CREBZF: variants seen among roughly 807,000 people sequenced by gnomAD.
CREBZF encodes the protein HCF-binding transcription factor Zhangfei.
A neutral mutation model predicts 21.1 loss-of-function variants in CREBZF; 8 were observed. That is an observed-to-expected ratio of 0.38 (90% confidence interval 0.22 to 0.68). The LOEUF is 0.68. Among genes scored for constraint, CREBZF ranks in the 30% least tolerant of loss-of-function variants. The probability of loss-of-function intolerance (pLI) is 0.51; values close to 1 mark genes in which losing one functional copy is unlikely to be tolerated. For missense variants in CREBZF, 518 were observed against 484.3 expected, an observed-to-expected ratio of 1.07 and a Z score of -0.65; for synonymous variants, 270 against 223.3, an observed-to-expected ratio of 1.21 and a Z score of -1.86.
chr11:85,671,773 G>C (rs992671923), intron 1 of CREBZF, among the ~76,000 whole-genome samples: 1 of 152,216 alleles, frequency 6.6e-6, no homozygotes, highest in African/African-American at 2.4e-5. Flanking sequence ...CATCCCTGTG[G>C]CTTTGCAGGG....
chr11:85,658,472 T>A lies in CREBZF; in HGVS notation c.*5339A>T, dbSNP rs953043963. On this transcript the variant is annotated 3_prime_UTR_variant, in exon 1 of 1. Coordinates refer to ENST00000527447, the MANE Select transcript of CREBZF (RefSeq NM_001039618.4). Reference sequence around the variant, plus strand: ...TCATGTTAAGTCTGTTGCTACAAATTTACTTTGCCAAAATTTTTGTTCAGA... The same window carrying A: ...TCATGTTAAGTCTGTTGCTACAAATATACTTTGCCAAAATTTTTGTTCAGA... Among the ~76,000 whole-genome samples, 2 of 152,046 alleles carry A rather than the reference T, an allele frequency of 1.3e-5. No homozygotes were observed. Among genetic ancestry groups the A allele is most frequent in the African/African-American group, 4.8e-5 (2 of 41,444 alleles).
In CREBZF at chr11:85,659,840, A is replaced by C. The variant is rs2082624885; in HGVS notation, c.*3971T>G. ...ACAACACTAGATAAATTTTTATATA[A>C]AACAGTAGAAACTAGCATACCATTA... On this transcript the variant is annotated 3_prime_UTR_variant, in exon 1 of 1. Coordinates refer to ENST00000527447, the MANE Select transcript of CREBZF (RefSeq NM_001039618.4). 6.6e-6 allele frequency: 1 copy of C among 152,140 alleles called. No homozygotes were observed. The highest frequency in any genetic ancestry group is 6.6e-5 in the Admixed American group (1 of 15,262). The allele number at this position is 152,140 out of a possible 1,614,324, so 9.4% of individuals were successfully genotyped here. A position where few individuals can be genotyped will look rare whatever the true frequency, so the allele number is the denominator to read the frequency against.
upstream of CREBZF, among the ~76,000 whole-genome samples, chr11:85,668,217 A>G (rs1234844131): frequency 1.3e-5 from 2 of 152,112 alleles, no homozygotes; most frequent in African/African-American, 4.8e-5. Flanking sequence ...TTCTAGCTAT[A>G]CTTAAGTATT....
At chr11:85,665,168 C>T, upstream of CREBZF, 1 of 383,632 alleles carries the variant, frequency 2.6e-6, no homozygotes. Flanking sequence ...GCGTTTCGCG[C>T]GCCACCAGGC....
chr11:85,669,314 T>C (rs1591488309), upstream of CREBZF, among the ~76,000 whole-genome samples: 1 of 152,122 alleles, frequency 6.6e-6, no homozygotes, highest in African/African-American at 2.4e-5. Flanking sequence ...ATAAAGGTTA[T>C]ACAAAACTTA....
chr11:85,671,504 T>G (rs2082911537), intron 1 of CREBZF, among the ~76,000 whole-genome samples: 1 of 152,314 alleles, frequency 6.6e-6, no homozygotes, highest in East Asian at 1.9e-4. Context: ...GCAAGGCAAG[T>G]CCCTTCTGCC....
chr11:85,673,476 G>A lies in CREBZF; in HGVS notation n.147+9241C>T, dbSNP rs544662209. Among the ~76,000 whole-genome samples, 20 of 152,294 alleles carry A rather than the reference G, an allele frequency of 1.3e-4. 1 individual carries two copies. Among genetic ancestry groups the A allele is most frequent in the East Asian group, 5.8e-4 (3 of 5,190 alleles). On this transcript the variant is annotated intron_variant and non_coding_transcript_variant, in intron 1 of 3. Coordinates refer to the CREBZF transcript ENST00000531515. The stretch of plus-strand genomic sequence containing the variant: ...ACAGCATTATGTCTTTGAAATGTGC[G>A]TAACTTAAGTTAAAAATATTTTATT...
At chr11:85,675,269 A>T (rs1231133867) in intron 1 of CREBZF, among the ~76,000 whole-genome samples, 1 of 152,152 alleles carries the variant, frequency 6.6e-6, no homozygotes, top group Non-Finnish European at 1.5e-5. Context: ...CACCATCCTC[A>T]CTAAGTTTAA....
chr11:85,663,990 A>G lies in CREBZF; in HGVS notation c.886T>C (p.Phe296Leu). The G allele has an allele frequency of 6.2e-7, 1 of 1,613,008 alleles. No homozygotes were observed. The change falls in exon 1 of 1, where the codon TTC (phenylalanine) becomes CTC (leucine). Residue 296 changes from phenylalanine to leucine, a missense_variant. Coordinates refer to ENST00000527447, the MANE Select transcript of CREBZF (RefSeq NM_001039618.4). ...GVGLRLTTSL[F>L]RDSPAGDHDY... is the part of the protein sequence containing the mutation. ...TGGTCACCGGCGGGCGAGTCTCTGA[A>G]GAGCGAGGTGGTCAGCCGCAGTCCC...
chr11:85,675,851 T>G (rs1044738192), intron 1 of CREBZF, among the ~76,000 whole-genome samples: 1 of 152,154 alleles, frequency 6.6e-6, no homozygotes, highest in African/African-American at 2.4e-5. Context: ...TGAGGGGACA[T>G]TAGGACTGGA....
intron 1 of CREBZF, among the ~76,000 whole-genome samples, chr11:85,679,040 T>C (rs1187048217): frequency 6.6e-6 from 1 of 152,232 alleles, no homozygotes; most frequent in Non-Finnish European, 1.5e-5. Context: ...GGGATTAATC[T>C]GGCCAGAGAA....
chr11:85,676,725 C>T (rs1168028341), intron 1 of CREBZF, among the ~76,000 whole-genome samples: 7 of 151,730 alleles, frequency 4.6e-5, no homozygotes, highest in African/African-American at 1.7e-4. Context: ...CAGCCTCGAC[C>T]ACCCTGGGCT....
rs2082700610 is a variant in CREBZF at position 85,662,054 on chromosome 11, G to A, written c.*1757C>T. On this transcript the variant is annotated 3_prime_UTR_variant, in exon 1 of 1. Transcript: ENST00000527447. ...TGTGAGGGGCTTGCTCCTGCCCTTA[G>A]GTATAAGCAGGTTCATCACTCCAAT... 1 of 207,892 alleles carries A rather than the reference G, an allele frequency of 4.8e-6. No individual in the cohort carries two copies. Among genetic ancestry groups the A allele is most frequent in the Non-Finnish European group, 1.0e-5 (1 of 97,958 alleles). The allele number at this position is 207,892 out of a possible 1,614,324, so 12.9% of individuals were successfully genotyped here.
chr11:85,679,817 T>G (rs1447484284), intron 1 of CREBZF, among the ~76,000 whole-genome samples: 1 of 152,264 alleles, frequency 6.6e-6, no homozygotes, highest in Non-Finnish European at 1.5e-5. Flanking sequence ...ATCTAAAATA[T>G]GCCGTGCCTA....
At chr11:85,676,881 C>A (rs912406965) in intron 1 of CREBZF, among the ~76,000 whole-genome samples, 1 of 147,672 alleles carries the variant, frequency 6.8e-6, no homozygotes, top group African/African-American at 2.5e-5. Flanking sequence ...TGGGTTCAAG[C>A]AATCCGCTTG....
At chr11:85,668,990 A>T (rs2082890992), upstream of CREBZF, among the ~76,000 whole-genome samples, 2 of 111,010 alleles carry the variant, frequency 1.8e-5, no homozygotes, top group Admixed American at 2.5e-4. Flanking sequence ...CGACAGAGCG[A>T]GACTCCGTCT....
upstream of CREBZF, among the ~76,000 whole-genome samples, chr11:85,665,264 C>T (rs575312290): frequency 6.6e-6 from 1 of 152,182 alleles, no homozygotes; most frequent in East Asian, 1.9e-4. Flanking sequence ...GCAAAAATAA[C>T]AAGTCTCTAG....
intron 1 of CREBZF, among the ~76,000 whole-genome samples, chr11:85,680,005 T>A (rs1261365719): frequency 2.0e-5 from 3 of 152,230 alleles, no homozygotes; most frequent in Admixed American, 1.3e-4. Context: ...TAAAATGGTA[T>A]ACATTAAGAA....
Position 85,663,886 on chromosome 11 carries a change from A to C in CREBZF, c.990T>G (p.His330Gln). 1 of 1,612,630 alleles carries C rather than the reference A, an allele frequency of 6.2e-7. No homozygotes were observed. Among genetic ancestry groups the C allele is most frequent in the Non-Finnish European group, 8.5e-7 (1 of 1,179,970 alleles). The change falls in exon 1 of 1, where the codon CAT (histidine) becomes CAG (glutamine). Residue 330 changes from histidine to glutamine, a missense_variant. Coordinates refer to ENST00000527447, the MANE Select transcript of CREBZF (RefSeq NM_001039618.4). ...CCACCGACACCTTATCCTTGTCCAC[A>C]TGGAGACAGACTCCTCCCGCCGAGT... ...EDDSAGGVCL[H>Q]VDKDKVSVEF... is the part of the protein sequence containing the mutation.
Sources: gnomAD v4.1 joint callset for allele counts (sites outside exome capture counted in the v4.1 genomes callset) on GRCh38, gnomAD v4.1.1 for gene constraint, MANE v1.5 for transcripts, NCBI Gene and HGNC (gene_info 2026-07-23, HGNC 2026-07-21) for gene names.